SUN1: variants seen among roughly 807,000 people sequenced by gnomAD.
The protein encoded by SUN1 is Sad1 and UNC84 domain containing 1.
A neutral mutation model predicts 103.2 loss-of-function variants in SUN1; 61 were observed. The ratio of observed to expected loss-of-function variants is 0.59; its 90% CI spans 0.48 to 0.73. The LOEUF (loss-of-function observed/expected upper bound fraction) is 0.73. SUN1 is among the 30% of genes least tolerant of loss of function. The pLI is 0.00. For synonymous variants in SUN1, 490 were observed against 425.7 expected, an observed-to-expected ratio of 1.15 and a Z score of -1.86; for missense variants, 1,052 against 1,034.6, an observed-to-expected ratio of 1.02 and a Z score of -0.23.
At chr7:840,499 C>T (rs894410529) in intron 2 of SUN1, among the ~76,000 whole-genome samples, 1 of 152,234 alleles carries the variant, frequency 6.6e-6, no homozygotes. Context: ...AAGCTTCCTT[C>T]GAAGGGGAGG....
chr7:836,953 A>C (rs951210266), intron 1 of SUN1, among the ~76,000 whole-genome samples: 1 of 152,072 alleles, frequency 6.6e-6, no homozygotes, highest in African/African-American at 2.4e-5. Context: ...CGTGGGGCGG[A>C]TGGAGGGGGT....
intron 11 of SUN1, among the ~76,000 whole-genome samples, chr7:855,407 G>A (rs1584956503): frequency 6.6e-6 from 1 of 152,346 alleles, no homozygotes; most frequent in East Asian, 1.9e-4. Flanking sequence ...GCTTTGGGTG[G>A]GAAGGCCGGG....
chr7:826,317 T>G (rs1226347564), intron 1 of SUN1, among the ~76,000 whole-genome samples: 1 of 152,184 alleles, frequency 6.6e-6, no homozygotes, highest in Non-Finnish European at 1.5e-5. Flanking sequence ...TCTGGGGTGC[T>G]TAAGGATGAG....
intron 15 of SUN1, among the ~76,000 whole-genome samples, chr7:864,780 C>T (rs1835085727): frequency 2.1e-5 from 2 of 96,884 alleles, no homozygotes; most frequent in African/African-American, 3.7e-5. Context: ...AGGGGCGCGT[C>T]ACCACGCCCG....
chr7:855,731 C>G (rs1284952320), intron 11 of SUN1, among the ~76,000 whole-genome samples: 1 of 152,084 alleles, frequency 6.6e-6, no homozygotes, highest in African/African-American at 2.4e-5. Context: ...TACCCGCCTG[C>G]GAGGGTCTGC....
intron 1 of SUN1, among the ~76,000 whole-genome samples, chr7:821,193 A>G (rs1465190133): frequency 2.5e-4 from 28 of 111,334 alleles, no homozygotes; most frequent in African/African-American, 1.0e-3. Flanking sequence ...TTTTTGAGAC[A>G]GAGTCTTGCT....
upstream of SUN1, chr7:816,489 C>A (rs903122229): frequency 7.7e-6 from 2 of 258,418 alleles, no homozygotes; most frequent in Non-Finnish European, 1.6e-5. Context: ...CTCGCCCCTC[C>A]GCCCGCGGCC....
chr7:856,126 T>C (rs1827062637), intron 11 of SUN1, among the ~76,000 whole-genome samples: 1 of 152,250 alleles, frequency 6.6e-6, no homozygotes, highest in South Asian at 2.1e-4. Context: ...AGCTGCATGT[T>C]CTGAGCCCGC....
intron 15 of SUN1, 47 bp downstream of exon 15, chr7:861,511 A>C (rs1381472189): frequency 6.2e-7 from 1 of 1,600,842 alleles, no homozygotes; most frequent in African/African-American, 1.3e-5. Flanking sequence ...ATCACCTGTT[A>C]GCAGGGGTGT....
chr7:836,276 G>A (rs563894647), intron 1 of SUN1, among the ~76,000 whole-genome samples: 3 of 152,340 alleles, frequency 2.0e-5, no homozygotes, highest in South Asian at 4.1e-4. Flanking sequence ...TCCAGAGCAC[G>A]CAGGCTTGGC....
At chr7:830,972 G>C (rs1161160913), upstream of SUN1, 2 of 985,382 alleles carry the variant, frequency 2.0e-6, no homozygotes, top group South Asian at 4.7e-5. Flanking sequence ...ATGGTGTATA[G>C]GTGGAGGGTA....
chr7:842,168 T>C lies in SUN1; in HGVS notation c.451+38T>C, dbSNP rs776445364. On this transcript the variant is annotated intron_variant, in intron 3 of 18. Coordinates refer to ENST00000401592, the MANE Select transcript of SUN1 (RefSeq NM_001130965.3). ...GAGACACAGATTGTCCCGCCTACAGTTGGGGTGTTTCTCAGATTATGCTGG... is the reference window on the plus strand; with the variant it reads ...GAGACACAGATTGTCCCGCCTACAGCTGGGGTGTTTCTCAGATTATGCTGG... 19 of 1,596,582 alleles carry C rather than the reference T, an allele frequency of 1.2e-5. No homozygotes were observed. In the African/African-American group the frequency reaches 1.3e-4, roughly 11 times the overall value.
intron 5 of SUN1, chr7:848,489 T>C (rs1288505917): frequency 7.3e-7 from 1 of 1,364,428 alleles, no homozygotes; most frequent in African/African-American, 1.5e-5. Flanking sequence ...TTCATCATTT[T>C]TAGTTCAACT....
chr7:848,411 T>G (rs1818617271), intron 5 of SUN1: 2 of 1,350,748 alleles, frequency 1.5e-6, no homozygotes, highest in Non-Finnish European at 2.0e-6. Flanking sequence ...TCATGGTTTT[T>G]TAATAGGCGG....
At chr7:873,141 T>C in intron 18 of SUN1, 74 bp from the exon 19 acceptor site, 1 of 1,339,298 alleles carries the variant, frequency 7.5e-7, no homozygotes, top group Non-Finnish European at 1.1e-6. Context: ...TCAGACGTCA[T>C]ATTTGGGGAA....
In SUN1 at chr7:868,494, G is replaced by T. The variant is rs572480549; in HGVS notation, c.1981-855G>T. On this transcript the variant is annotated intron_variant, in intron 16 of 18. Transcript: ENST00000401592. ...GCTGACCCTTGATGTTGGTCGGATG[G>T]GGGGGCAGTGCTGGTTCCCTGTGGT... 23 of 305,658 alleles carry T rather than the reference G, an allele frequency of 7.5e-5. No homozygotes were observed. In the East Asian group the frequency reaches 2.1e-3, roughly 28 times the overall value. The allele number at this position is 305,658 out of a possible 1,614,324, so 18.9% of individuals were successfully genotyped here. A position where few individuals can be genotyped will look rare whatever the true frequency, so the allele number is the denominator to read the frequency against.
chr7:840,803 G>A (rs1308297050), intron 2 of SUN1, among the ~76,000 whole-genome samples: 6 of 148,728 alleles, frequency 4.0e-5, no homozygotes, highest in African/African-American at 1.5e-4. Context: ...CACCATGCCT[G>A]GCTAATTTTT....
chr7:860,020 A>G, intron 13 of SUN1, 108 bp from the exon 14 acceptor site: 2 of 1,377,816 alleles, frequency 1.5e-6, no homozygotes, highest in Non-Finnish European at 9.8e-7. Context: ...GACATTCTAG[A>G]TTTTGAGAGG....
chr7:826,252 A>G (rs1193412010), intron 1 of SUN1, among the ~76,000 whole-genome samples: 2 of 92,008 alleles, frequency 2.2e-5, no homozygotes, highest in East Asian at 3.3e-4. Flanking sequence ...TAAGAAAGAA[A>G]GAACAAAGAA....
Sources: allele counts gnomAD v4.1 joint callset (sites outside exome capture counted in the v4.1 genomes callset), GRCh38; gene constraint gnomAD v4.1.1; transcripts MANE v1.5; gene names NCBI Gene and HGNC (gene_info 2026-07-23, HGNC 2026-07-21).